The following DCLK1 variants were observed in gnomAD, a reference collection of about 807,000 sequenced individuals.
DCLK1 encodes doublecortin like kinase 1.
A neutral mutation model predicts 86.2 loss-of-function variants in DCLK1; 16 were observed. The ratio of observed to expected loss-of-function variants is 0.19; its 90% CI spans 0.13 to 0.28. The LOEUF (loss-of-function observed/expected upper bound fraction) is 0.28. Among genes scored for constraint, DCLK1 ranks in the 10% least tolerant of loss-of-function variants. The pLI, the probability that DCLK1 is intolerant of heterozygous loss-of-function variation, is 1.00. For synonymous variants in DCLK1, 369 were observed against 370.5 expected, an observed-to-expected ratio of 1.00 and a Z score of 0.05; for missense variants, 590 against 940.2, an observed-to-expected ratio of 0.63 and a Z score of 4.87.
intron 5 of DCLK1, among the ~76,000 whole-genome samples, chr13:35,859,695 A>G (rs1043571862): frequency 2.0e-5 from 3 of 152,192 alleles, no homozygotes; most frequent in Non-Finnish European, 4.4e-5. Context: ...CCACGAGTCC[A>G]GGGCCCTAGA....
intron 14 of DCLK1, among the ~76,000 whole-genome samples, chr13:35,806,652 C>A (rs1639124025): frequency 6.6e-6 from 1 of 152,212 alleles, no homozygotes; most frequent in Admixed American, 6.5e-5. Context: ...CTTCTTCATT[C>A]AGTTTCTAAC....
intron 6 of DCLK1, chr13:35,849,264 G>A (rs1870433171): frequency 1.0e-6 from 1 of 984,958 alleles, no homozygotes. Context: ...CAATTTATCA[G>A]GGAGATAAAT....
chr13:35,915,615 GAA>G (rs2153125735), intron 4 of DCLK1, among the ~76,000 whole-genome samples: 1 of 152,274 alleles, frequency 6.6e-6, no homozygotes, highest in South Asian at 2.1e-4. Context: ...TGAGGTGGGA[GAA>G]TAACTTGAGT....
intron 3 of DCLK1, among the ~76,000 whole-genome samples, chr13:35,950,689 A>G (rs1877618533): frequency 6.6e-6 from 1 of 152,202 alleles, no homozygotes; most frequent in African/African-American, 2.4e-5. Context: ...ATGATTAGAT[A>G]CAGGGCAGAC....
chr13:36,086,443 C>T (rs1884603108), intron 3 of DCLK1, among the ~76,000 whole-genome samples: 1 of 145,880 alleles, frequency 6.9e-6, no homozygotes, highest in Admixed American at 7.2e-5. Flanking sequence ...TAAAATGTTT[C>T]CTCAACAGCT....
At chr13:36,018,190 A>C (rs1881617734) in intron 3 of DCLK1, among the ~76,000 whole-genome samples, 1 of 152,196 alleles carries the variant, frequency 6.6e-6, no homozygotes, top group Non-Finnish European at 1.5e-5. Context: ...ACACATTATG[A>C]TTGTAAAATT....
chr13:36,120,311 T>C (rs1015858424), intron 2 of DCLK1, among the ~76,000 whole-genome samples: 2 of 152,176 alleles, frequency 1.3e-5, no homozygotes, highest in African/African-American at 4.8e-5. Flanking sequence ...AATAGAGTCA[T>C]GTGCCACAAT....
rs137948586 is a variant in DCLK1 at position 35,977,132 on chromosome 13, T to A, written c.724-29675A>T. 5.7e-3 allele frequency among the ~76,000 whole-genome samples: 871 copies of A among 152,346 alleles called. 6 individuals are homozygous for A. The highest frequency in any genetic ancestry group is 0.02 in the African/African-American group (829 of 41,576). ...TTTTTCGTGTATGTGTGTGTGTATATATATACAGAGAGAGAAAGATAAATT... is the reference window on the plus strand; with the variant it reads ...TTTTTCGTGTATGTGTGTGTGTATAAATATACAGAGAGAGAAAGATAAATT... On this transcript the variant is annotated intron_variant, in intron 3 of 16. Transcript: ENST00000360631.
chr13:36,071,438 T>C (rs774568416), intron 3 of DCLK1, among the ~76,000 whole-genome samples: 2 of 152,140 alleles, frequency 1.3e-5, no homozygotes, highest in Non-Finnish European at 2.9e-5. Flanking sequence ...AATTCAGCAA[T>C]ATTAAGTAAT....
intron 3 of DCLK1, among the ~76,000 whole-genome samples, chr13:35,995,080 T>C (rs1327789600): frequency 6.6e-6 from 1 of 152,222 alleles, no homozygotes; most frequent in Non-Finnish European, 1.5e-5. Flanking sequence ...CTCTGAGAAA[T>C]TTTTGTCTAA....
At chr13:35,847,513 T>A in intron 6 of DCLK1, 1 of 985,066 alleles carries the variant, frequency 1.0e-6, no homozygotes, top group Non-Finnish European at 1.2e-6. Context: ...TATGAAAAAT[T>A]TAGCAGTCCA....
intron 15 of DCLK1, among the ~76,000 whole-genome samples, chr13:35,796,266 T>C (rs1038641754): frequency 6.6e-6 from 1 of 152,178 alleles, no homozygotes; most frequent in South Asian, 2.1e-4. Context: ...GATGAGATAC[T>C]TTGAAAAACA....
At chr13:36,062,731 G>A (rs913775762) in intron 3 of DCLK1, among the ~76,000 whole-genome samples, 4 of 152,184 alleles carry the variant, frequency 2.6e-5, no homozygotes, top group African/African-American at 7.2e-5. Context: ...AAAAGCAAGA[G>A]AGAAGAGAAC....
At chr13:36,039,935 T>C (rs1045322825) in intron 3 of DCLK1, among the ~76,000 whole-genome samples, 5 of 151,990 alleles carry the variant, frequency 3.3e-5, no homozygotes, top group Non-Finnish European at 7.4e-5. Flanking sequence ...ACTTAATTTT[T>C]TTTTTTTTTT....
At chr13:35,868,173 C>T (rs1871995229) in intron 5 of DCLK1, among the ~76,000 whole-genome samples, 1 of 151,942 alleles carries the variant, frequency 6.6e-6, no homozygotes, top group South Asian at 2.1e-4. Flanking sequence ...CAGGCGCCTG[C>T]CACCACGCCC....
intron 3 of DCLK1, among the ~76,000 whole-genome samples, chr13:36,042,298 G>A (rs1593841280): frequency 6.6e-6 from 1 of 152,264 alleles, no homozygotes; most frequent in South Asian, 2.1e-4. Context: ...TATACAGTAT[G>A]GATAAAACTA....
Position 35,966,497 on chromosome 13 carries a change from TCCCC to T in DCLK1, c.724-19044_724-19041del, listed in dbSNP as rs550890885. ...TGGCCTCTCCCTCTCCCTCTCCCCC[TCCCC>T]CTCCCCCTCCCCCTCTCCCTCTCCC... On this transcript the variant is annotated intron_variant, in intron 3 of 16. Transcript: ENST00000360631. Among the ~76,000 whole-genome samples the T allele has an allele frequency of 4.2e-3, 436 of 104,452 alleles. 5 individuals carry two copies. The highest frequency in any genetic ancestry group is 0.015 in the African/African-American group (384 of 25,770). 68.5% of individuals were successfully genotyped at this position (104,452 alleles called of 152,430 possible). A position where few individuals can be genotyped will look rare whatever the true frequency, so the allele number is the denominator to read the frequency against.
intron 4 of DCLK1, among the ~76,000 whole-genome samples, chr13:35,923,824 G>A (rs1171055): frequency 0.094 from 14,360 of 152,062 alleles, 950 homozygotes; most frequent in African/African-American, 0.19. Flanking sequence ...AAACCCTGGG[G>A]GTCTGTTAGC....
intron 11 of DCLK1, among the ~76,000 whole-genome samples, chr13:35,811,836 A>T: frequency 6.6e-6 from 1 of 150,940 alleles, no homozygotes; most frequent in South Asian, 2.1e-4. Flanking sequence ...ATCTGTCTGA[A>T]AAAAAAAAAG....
Sources: gnomAD v4.1 joint callset for allele counts (sites outside exome capture counted in the v4.1 genomes callset) on GRCh38, gnomAD v4.1.1 for gene constraint, MANE v1.5 for transcripts, NCBI Gene and HGNC (gene_info 2026-07-23, HGNC 2026-07-21) for gene names.